Variants in SCFD2 observed in about 807,000 individuals in gnomAD.
The protein encoded by SCFD2 is sec1 family domain-containing protein 2.
Under a neutral mutation model 58.9 loss-of-function variants are expected in SCFD2, and 54 were observed. The ratio of observed to expected loss-of-function variants is 0.92; its 90% confidence interval spans 0.74 to 1.15. The LOEUF is 1.15. Among genes scored for constraint, SCFD2 ranks in the 50% most tolerant of loss-of-function variants. SCFD2 has a pLI of 0.00. For missense variants in SCFD2, 805 were observed against 836.6 expected (o/e 0.96, Z 0.47); for synonymous variants, 321 against 335.9 (o/e 0.96, Z 0.49).
chr4:52,976,466 A>G (rs926441785), intron 5 of SCFD2, among the ~76,000 whole-genome samples: 3 of 152,172 alleles, frequency 2.0e-5, no homozygotes, highest in Non-Finnish European at 2.9e-5. Flanking sequence ...ATCATCTCCA[A>G]AATCAGAAAT....
At chr4:53,214,776 A>C (rs1728755652) in intron 4 of SCFD2, among the ~76,000 whole-genome samples, 1 of 152,046 alleles carries the variant, frequency 6.6e-6, no homozygotes, top group South Asian at 2.1e-4. Flanking sequence ...TAGGGTTTTT[A>C]TGGTTTTAGG....
intron 5 of SCFD2, among the ~76,000 whole-genome samples, chr4:52,971,333 G>A (rs948194291): frequency 6.6e-6 from 1 of 152,180 alleles, no homozygotes; most frequent in South Asian, 2.1e-4. Flanking sequence ...GGACCTGACG[G>A]AGCTGAAAAC....
At chr4:53,037,780 C>T (rs1208462387) in intron 5 of SCFD2, among the ~76,000 whole-genome samples, 1 of 152,088 alleles carries the variant, frequency 6.6e-6, no homozygotes, top group African/African-American at 2.4e-5. Flanking sequence ...GTTGTCTTTT[C>T]ATAGAAAAAT....
At chr4:52,893,479 T>C (rs1718927107) in intron 7 of SCFD2, among the ~76,000 whole-genome samples, 1 of 152,244 alleles carries the variant, frequency 6.6e-6, no homozygotes, top group Non-Finnish European at 1.5e-5. Context: ...CCCATCATTT[T>C]TGCTCTGCAT....
intron 2 of SCFD2, among the ~76,000 whole-genome samples, chr4:53,317,517 C>T (rs2149115562): frequency 6.6e-6 from 1 of 152,296 alleles, no homozygotes; most frequent in South Asian, 2.1e-4. Flanking sequence ...TGATATTAAA[C>T]TTTATGTCAA....
intron 4 of SCFD2, among the ~76,000 whole-genome samples, chr4:53,239,038 G>A (rs28508459): frequency 0.32 from 48,220 of 149,822 alleles, 8,147 homozygotes; most frequent in Non-Finnish European, 0.39. Flanking sequence ...GTAGCGAGCC[G>A]AGATCACGCT....
chr4:53,331,047 T>C (rs1198544250), intron 2 of SCFD2, among the ~76,000 whole-genome samples: 2 of 151,632 alleles, frequency 1.3e-5, no homozygotes, highest in East Asian at 1.9e-4. Flanking sequence ...AAGAGCTAAC[T>C]ATCCTAAATA....
intron 7 of SCFD2, among the ~76,000 whole-genome samples, chr4:52,898,557 A>G (rs1369308968): frequency 6.6e-6 from 1 of 152,206 alleles, no homozygotes; most frequent in Non-Finnish European, 1.5e-5. Context: ...TTTGCTGAGG[A>G]GTGTTCTACT....
chr4:52,884,882 G>A (rs1479439010), intron 8 of SCFD2, among the ~76,000 whole-genome samples: 2 of 152,106 alleles, frequency 1.3e-5, no homozygotes, highest in Non-Finnish European at 2.9e-5. Flanking sequence ...TTGACTGAGC[G>A]TTCTGAGCCA....
At chr4:53,162,979 C>T (rs1726899591) in intron 4 of SCFD2, among the ~76,000 whole-genome samples, 1 of 152,134 alleles carries the variant, frequency 6.6e-6, no homozygotes, top group Admixed American at 6.5e-5. Flanking sequence ...AGGAGAAGGG[C>T]ATTTCAGTGG....
chr4:53,256,373 C>T (rs192128176), intron 4 of SCFD2, among the ~76,000 whole-genome samples: 15,817 of 151,014 alleles, frequency 0.1, 930 homozygotes, highest in East Asian at 0.21. Context: ...GGATGGCGGC[C>T]GGGCAGAGAC....
At chr4:53,215,742 T>A (rs1728803047) in intron 4 of SCFD2, among the ~76,000 whole-genome samples, 1 of 152,162 alleles carries the variant, frequency 6.6e-6, no homozygotes, top group Non-Finnish European at 1.5e-5. Context: ...AAGGGAATGC[T>A]TCCAGTTTTT....
intron 5 of SCFD2, among the ~76,000 whole-genome samples, chr4:53,096,712 C>A (rs1363836875): frequency 1.3e-5 from 2 of 152,216 alleles, no homozygotes; most frequent in South Asian, 2.1e-4. Flanking sequence ...GAAGCTCTTT[C>A]ATTTAATTAG....
In SCFD2 at chr4:52,982,306, T is replaced by C. The variant is rs540504321; in HGVS notation, c.1562-61436A>G. Among the ~76,000 whole-genome samples the C allele has an allele frequency of 4.6e-5, 7 of 152,280 alleles. No individual in the cohort carries two copies. In the East Asian group the frequency reaches 9.7e-4, roughly 21 times the overall value. On this transcript the variant is annotated intron_variant, in intron 5 of 8. Coordinates refer to ENST00000401642, the MANE Select transcript of SCFD2 (RefSeq NM_152540.4). ...GAAACAGATCAGAATTGTGATGTAG[T>C]TTGTACACGGGCTAGTTTGACTGCA...
chr4:53,052,001 C>A (rs1268493820), intron 5 of SCFD2, among the ~76,000 whole-genome samples: 1 of 152,158 alleles, frequency 6.6e-6, no homozygotes, highest in Non-Finnish European at 1.5e-5. Context: ...ACATTCAGCA[C>A]CAGACCTCCT....
At chr4:53,219,159 C>T (rs887418983) in intron 4 of SCFD2, among the ~76,000 whole-genome samples, 1 of 152,174 alleles carries the variant, frequency 6.6e-6, no homozygotes, top group African/African-American at 2.4e-5. Context: ...CTACTCACTT[C>T]AAAGCTGTCA....
At chr4:53,115,976 C>T (rs1432796820) in intron 5 of SCFD2, among the ~76,000 whole-genome samples, 2 of 152,120 alleles carry the variant, frequency 1.3e-5, no homozygotes, top group Non-Finnish European at 2.9e-5. Flanking sequence ...ATCTCTTTTA[C>T]TCTGCCCATG....
At chr4:52,974,140 A>G (rs1721186458) in intron 5 of SCFD2, among the ~76,000 whole-genome samples, 1 of 152,188 alleles carries the variant, frequency 6.6e-6, no homozygotes, top group South Asian at 2.1e-4. Context: ...CACCACTCCT[A>G]TTCAACATAG....
intron 5 of SCFD2, among the ~76,000 whole-genome samples, chr4:53,048,411 A>C (rs957977442): frequency 2.0e-5 from 3 of 152,096 alleles, no homozygotes; most frequent in African/African-American, 7.2e-5. Flanking sequence ...TTAGAGAGTC[A>C]CTTTAACCTT....
Sources: allele counts gnomAD v4.1 joint callset (sites outside exome capture counted in the v4.1 genomes callset), GRCh38; gene constraint gnomAD v4.1.1; transcripts MANE v1.5; gene names NCBI Gene and HGNC (gene_info 2026-07-23, HGNC 2026-07-21).